VPS13C: variants seen among roughly 807,000 people sequenced by gnomAD.
VPS13C encodes vacuolar protein sorting 13 homolog C, also known as intermembrane lipid transfer protein VPS13C.
A neutral mutation model predicts 456.8 loss-of-function variants in VPS13C; 358 were observed. The observed-to-expected ratio is 0.78, with a 90% CI of 0.72 to 0.86. VPS13C has a LOEUF of 0.86. Ranked by LOEUF, VPS13C falls within the 40% of genes least tolerant of loss-of-function variation. The pLI is 0.00. For synonymous variants in VPS13C, 1,578 were observed against 1,486.7 expected, an observed-to-expected ratio of 1.06 and a Z score of -1.41; for missense variants, 4,818 against 4,385.4, an observed-to-expected ratio of 1.10 and a Z score of -2.79.
At chr15:61,919,196 C>T (rs2043567723) in intron 58 of VPS13C, 93 bp downstream of exon 58, 4 of 1,238,256 alleles carry the variant, frequency 3.2e-6, no homozygotes, top group South Asian at 1.5e-5. Context: ...CAGAATTGAC[C>T]TGATGAAGTT....
At chr15:61,922,832 T>A in intron 53 of VPS13C, 70 bp from the exon 54 acceptor site, 1 of 1,222,362 alleles carries the variant, frequency 8.2e-7, no homozygotes, top group East Asian at 2.8e-5. Flanking sequence ...ACATACATGA[T>A]TTTAAGTGAC....
chr15:61,978,096 A>C (rs2045763404), intron 23 of VPS13C, among the ~76,000 whole-genome samples: 1 of 152,048 alleles, frequency 6.6e-6, no homozygotes, highest in Admixed American at 6.6e-5. Flanking sequence ...GAAAAACACC[A>C]AAGCTTTTGG....
chr15:61,878,075 A>G (rs902642886), intron 74 of VPS13C, among the ~76,000 whole-genome samples: 1 of 151,866 alleles, frequency 6.6e-6, no homozygotes, highest in African/African-American at 2.4e-5. Context: ...TTAAACTTAG[A>G]AAGACCTCCT....
chr15:62,029,142 G>A (rs1182501013), intron 5 of VPS13C, among the ~76,000 whole-genome samples: 1 of 152,060 alleles, frequency 6.6e-6, no homozygotes, highest in Non-Finnish European at 1.5e-5. Context: ...TTTTCTAACT[G>A]TGTGACCTAG....
At chr15:61,933,368 A>G (rs889302572) in intron 49 of VPS13C, among the ~76,000 whole-genome samples, 14 of 152,316 alleles carry the variant, frequency 9.2e-5, no homozygotes, top group Admixed American at 9.1e-4. Context: ...CAAAAATTCA[A>G]TAGTAACAAT....
In VPS13C at chr15:61,890,118, T is replaced by C. The variant is rs1274648241; in HGVS notation, c.9341+47A>G. 3 of 1,574,932 alleles carry C rather than the reference T, an allele frequency of 1.9e-6. No individual in the cohort carries two copies. In the African/African-American group the frequency reaches 4.1e-5, roughly 21 times the overall value. Reference sequence around the variant, plus strand: ...TTCTTCAAATCGGCTATTATGAACTTAATGCCTTTTAAAGGTTTAGGATGT... The same window carrying C: ...TTCTTCAAATCGGCTATTATGAACTCAATGCCTTTTAAAGGTTTAGGATGT... On this transcript the variant is annotated intron_variant, in intron 67 of 84. Coordinates refer to ENST00000644861, the MANE Select transcript of VPS13C (RefSeq NM_020821.3).
intron 66 of VPS13C, among the ~76,000 whole-genome samples, chr15:61,890,819 G>C (rs1168752941): frequency 1.3e-5 from 2 of 152,128 alleles, no homozygotes; most frequent in Non-Finnish European, 2.9e-5. Context: ...GGCTGAAGCG[G>C]GCAAATCATC....
intron 66 of VPS13C, among the ~76,000 whole-genome samples, chr15:61,899,009 T>A: frequency 1.3e-5 from 1 of 76,976 alleles, no homozygotes; most frequent in Admixed American, 1.7e-4. Context: ...GACTACTGGG[T>A]ACATAACGAA....
chr15:61,890,357 T>C lies in VPS13C; in HGVS notation c.9149A>G (p.His3050Arg), dbSNP rs1211734536. ...GCGCCCATCCAGAAATGATACCCAGTGTATCTGGATGTTTGCATCATATGG... is the reference window on the plus strand; with the variant it reads ...GCGCCCATCCAGAAATGATACCCAGCGTATCTGGATGTTTGCATCATATGG... ...QFPYDANIQIHWVSFLDGRQR... is the reference protein window; with the variant it reads ...QFPYDANIQIRWVSFLDGRQR... The change falls in exon 67 of 85, where the codon CAC becomes CGC. Residue 3050 changes from histidine (H) to arginine (R), a missense_variant. His to Arg is a conservative substitution (Grantham distance 29). Transcript: ENST00000644861. 6.2e-6 allele frequency: 10 copies of C among 1,613,696 alleles called. No individual in the cohort carries two copies. Among genetic ancestry groups the C allele is most frequent in the Non-Finnish European group, 8.5e-6 (10 of 1,179,914 alleles).
At chr15:61,905,221 A>G (rs1344693322) in intron 66 of VPS13C, among the ~76,000 whole-genome samples, 2 of 152,208 alleles carry the variant, frequency 1.3e-5, no homozygotes, top group African/African-American at 4.8e-5. Context: ...GTATCAAAAT[A>G]TCACAGGTAT....
At chr15:62,041,899 GAA>G (rs1230821615) in intron 2 of VPS13C, among the ~76,000 whole-genome samples, 1 of 151,946 alleles carries the variant, frequency 6.6e-6, no homozygotes, top group East Asian at 1.9e-4. Flanking sequence ...AGTAAAAATA[GAA>G]AAAGTTTGTA....
intron 20 of VPS13C, 105 bp from the exon 21 acceptor site, chr15:61,982,678 G>GGATATTT: frequency 1.4e-6 from 1 of 707,722 alleles, no homozygotes; most frequent in Non-Finnish European, 2.3e-6. Flanking sequence ...TTTGAACTGT[G>GGATATTT]GAACTCCTAA....
Position 61,920,512 on chromosome 15 carries a change from T to C in VPS13C, c.7198A>G (p.Asn2400Asp). ...TTCAGACATACTTTTGCTAAATTGT[T>C]GAAAACATTAAGACAACTTTTGGAT... ...TISKSCLNVF[N>D]NLAKGFSEGT... The change falls in exon 56 of 85, where the codon AAC becomes GAC. Residue 2400 changes from asparagine to aspartate, a missense_variant. Physicochemically the swap from Asn to Asp is conservative, Grantham distance 23. Around this residue, in one of 3 missense-constraint regions of VPS13C, gnomAD observed 4,552 missense variants for 4,130.6 expected, o/e 1.10. Transcript: ENST00000644861. 1 of 1,536,758 alleles carries C rather than the reference T, an allele frequency of 6.5e-7. No individual in the cohort carries two copies. The highest frequency in any genetic ancestry group is 1.8e-4 in the Middle Eastern group (1 of 5,576).
chr15:62,052,412 A>C (rs112478573), intron 1 of VPS13C, among the ~76,000 whole-genome samples: 42 of 152,196 alleles, frequency 2.8e-4, no homozygotes, highest in African/African-American at 1.0e-3. Flanking sequence ...GCGGTGACTC[A>C]CGCCTGTAAT....
chr15:62,024,385 G>A (rs1311470903), intron 6 of VPS13C, among the ~76,000 whole-genome samples: 1 of 152,048 alleles, frequency 6.6e-6, no homozygotes, highest in Non-Finnish European at 1.5e-5. Flanking sequence ...ACATTGGACT[G>A]TACACTGAAT....
rs543461309 is a variant in VPS13C at position 61,915,751 on chromosome 15, T to C, written c.8327A>G (p.Asn2776Ser). The C allele has an allele frequency of 6.8e-6, 11 of 1,614,152 alleles. No homozygotes were observed. Among genetic ancestry groups the C allele is most frequent in the Admixed American group, 6.7e-5 (4 of 60,006 alleles). The change falls in exon 61 of 85, where the codon AAC becomes AGC. Residue 2776 changes from asparagine to serine, a missense_variant. By Grantham distance (46) the Asn-to-Ser change is conservative (BLOSUM62 1). This residue lies in a region of VPS13C where 4,552 missense variants were observed against 4,130.6 expected (regional missense o/e 1.10). Transcript: ENST00000644861. Reference sequence around the variant, plus strand: ...ATACTGGAGAACCCGGGTAGTCTTGTTGATTAACCAATAGGGACTAAAGAC... The same window carrying C: ...ATACTGGAGAACCCGGGTAGTCTTGCTGATTAACCAATAGGGACTAAAGAC... ...LSVFSPYWLI[N>S]KTTRVLQYRS...
Position 61,982,504 on chromosome 15 carries a change from C to T in VPS13C, c.1984G>A (p.Ala662Thr), listed in dbSNP as rs1376098421. 1.9e-6 allele frequency: 3 copies of T among 1,609,790 alleles called. No individual in the cohort carries two copies. Among genetic ancestry groups the T allele is most frequent in the South Asian group, 2.2e-5 (2 of 90,174 alleles). Residue 662 changes from alanine to threonine, a missense_variant, in exon 21 of 85, where the codon GCA (alanine) becomes ACA (threonine). Ala to Thr is a moderately conservative substitution (Grantham distance 58). Transcript: ENST00000644861. ...ATTTCTTCCAGCTTCATCAATGTTG[C>T]TGATGTTATTTGCTCAAGATCCAAT... ...KGLDLEQITS[A>T]TLMKLEEIKE... is the part of the protein sequence containing the mutation.
At chr15:61,990,469 A>T (rs1012590479) in intron 18 of VPS13C, among the ~76,000 whole-genome samples, 3 of 152,306 alleles carry the variant, frequency 2.0e-5, no homozygotes, top group Admixed American at 2.0e-4. Flanking sequence ...TAGCACTATA[A>T]TAAGTACTTT....
intron 82 of VPS13C, among the ~76,000 whole-genome samples, chr15:61,862,920 T>C (rs181534057): frequency 2.6e-5 from 4 of 152,310 alleles, no homozygotes; most frequent in African/African-American, 9.6e-5. Flanking sequence ...AATTTTATTA[T>C]CTAGGATAGA....
Sources: gnomAD v4.1 joint callset for allele counts (sites outside exome capture counted in the v4.1 genomes callset) on GRCh38, gnomAD v4.1.1 for gene constraint, gnomAD v4.1.1 regional missense constraint, MANE v1.5 for transcripts, NCBI Gene and HGNC (gene_info 2026-07-23, HGNC 2026-07-21) for gene names.